NR2C2AP: variants seen among roughly 807,000 people sequenced by gnomAD.
The protein encoded by NR2C2AP is nuclear receptor 2C2-associated protein.
NR2C2AP carries 13 observed loss-of-function variants against 19.1 expected under a neutral mutation model. The ratio of observed to expected loss-of-function variants is 0.68; its 90% confidence interval spans 0.44 to 1.08. NR2C2AP has a LOEUF of 1.08. Ranked by LOEUF, NR2C2AP falls within the 50% of genes least tolerant of loss-of-function variation. The pLI, the probability that NR2C2AP is intolerant of heterozygous loss-of-function variation, is 0.00. For missense variants in NR2C2AP, 181 were observed against 172.7 expected (o/e 1.05, Z -0.27); for synonymous variants, 81 against 64.4 (o/e 1.26, Z -1.23).
At position 19,201,562 on chromosome 19, in the gene NR2C2AP, C is replaced by T. The variant is rs1052166811; in HGVS notation, c.*363G>A. On this transcript the variant is annotated 3_prime_UTR_variant, in exon 5 of 5. Transcript: ENST00000331552. The stretch of plus-strand genomic sequence containing the variant: ...GTCTCTGCAAGGGTCCCTGTTTGTC[C>T]CCTAAGGGGAGAGCGCAGGTTGGCC... 6.2e-7 allele frequency: 1 copy of T among 1,608,820 alleles called. No homozygotes were observed. Among genetic ancestry groups the T allele is most frequent in the Non-Finnish European group, 8.5e-7 (1 of 1,179,870 alleles).
Position 19,201,508 on chromosome 19 carries a change from G to A in NR2C2AP, c.*417C>T, listed in dbSNP as rs1462229632. 8.8e-6 allele frequency: 14 copies of A among 1,599,168 alleles called. No homozygotes were observed. The highest frequency in any genetic ancestry group is 4.5e-5 in the East Asian group (2 of 44,778). On this transcript the variant is annotated 3_prime_UTR_variant, in exon 5 of 5. Transcript: ENST00000331552. ...GTTGAGGTTCCTGGGGTGAGTCCTC[G>A]GTTCTCCCAGCTTTGCTCTGTAATG...
rs753300925 is a variant in NR2C2AP at position 19,202,354 on chromosome 19, G to T, written c.280C>A (p.Pro94Thr). ...QALHKIVDFY[P>T]EDNNSLQTFP... is the part of the protein sequence containing the mutation. ...ATCTGAAGCGAGTTGTTGTCCTCAG[G>T]GTAGAAATCTACAATCTTGTGGAGA... is the stretch of plus-strand genomic sequence containing the variant. The change falls in exon 4 of 5, where the codon CCT (proline) becomes ACT (threonine). Residue 94 changes from proline (P) to threonine (T), a missense_variant. Pro to Thr is a conservative substitution (Grantham distance 38, BLOSUM62 -1). Coordinates refer to ENST00000331552, the MANE Select transcript of NR2C2AP (RefSeq NM_176880.6). 5 of 1,614,184 alleles carry T rather than the reference G, an allele frequency of 3.1e-6. No homozygotes were observed. The highest frequency in any genetic ancestry group is 4.2e-6 in the Non-Finnish European group (5 of 1,180,024).
chr19:19,203,338 C>T lies in NR2C2AP; in HGVS notation c.-278G>A, dbSNP rs2060744865. 1 of 546,896 alleles carries T rather than the reference C, an allele frequency of 1.8e-6. No individual in the cohort carries two copies. Among genetic ancestry groups the T allele is most frequent in the South Asian group, 2.1e-5 (1 of 47,254 alleles). The allele number at this position is 546,896 out of a possible 1,614,324, so 33.9% of individuals were successfully genotyped here. On this transcript the variant is annotated 5_prime_UTR_variant, in exon 1 of 5. Coordinates refer to ENST00000331552, the MANE Select transcript of NR2C2AP (RefSeq NM_176880.6). ...CAGGAAACAGATTTCCCGCGGGTTT[C>T]GGGGGCGGTGGCTTTTTGTGCGAGG...
rs1283024592 is a variant in NR2C2AP at position 19,202,023 on chromosome 19, C to T, written c.322G>A (p.Ala108Thr). The part of the protein sequence containing the change: ...NSLQTFPIPA[A>T]EVDRLKVTFE... ...GTCACCTTCAGCCGGTCCACTTCAG[C>T]AGCTGGTATGGGGAAAGTGTGAGCG... The change falls in exon 5 of 5, where the codon GCT (alanine) becomes ACT (threonine). Residue 108 changes from alanine (A) to threonine (T), a missense_variant. Physicochemically the swap from Ala to Thr is moderately conservative, Grantham distance 58 (BLOSUM62 0). Coordinates refer to ENST00000331552, the MANE Select transcript of NR2C2AP (RefSeq NM_176880.6). 1 of 1,614,178 alleles carries T rather than the reference C, an allele frequency of 6.2e-7. No individual in the cohort carries two copies. Among genetic ancestry groups the T allele is most frequent in the Admixed American group, 1.7e-5 (1 of 60,022 alleles).
chr19:19,202,216 G>T, intron 4 of NR2C2AP, 115 bp downstream of exon 4: 1 of 1,207,110 alleles, frequency 8.3e-7, no homozygotes. Context: ...CAGAAAAAGT[G>T]GAGTCCTAGA....
intron 4 of NR2C2AP, 79 bp downstream of exon 4, chr19:19,202,252 A>G (rs773385947): frequency 7.1e-7 from 1 of 1,399,814 alleles, no homozygotes; most frequent in Non-Finnish European, 1.0e-6. Flanking sequence ...ATCACACATC[A>G]GGGTTCCCAT....
In NR2C2AP at chr19:19,201,484, T is replaced by G; in HGVS notation, c.*441A>C. Reference sequence around the variant, plus strand: ...TGCATTTTTACAAACTTAGGGGAAGTTGAGGTTCCTGGGGTGAGTCCTCGG... The same window carrying G: ...TGCATTTTTACAAACTTAGGGGAAGGTGAGGTTCCTGGGGTGAGTCCTCGG... On this transcript the variant is annotated 3_prime_UTR_variant, in exon 5 of 5. Coordinates refer to ENST00000331552, the MANE Select transcript of NR2C2AP (RefSeq NM_176880.6). 1 of 1,587,560 alleles carries G rather than the reference T, an allele frequency of 6.3e-7. No individual in the cohort carries two copies. Among genetic ancestry groups the G allele is most frequent in the Non-Finnish European group, 8.5e-7 (1 of 1,174,404 alleles).
Position 19,203,149 on chromosome 19 carries a change from T to G in NR2C2AP, c.-89A>C. The G allele has an allele frequency of 7.2e-7, 1 of 1,388,482 alleles. No individual in the cohort carries two copies. Among genetic ancestry groups the G allele is most frequent in the South Asian group, 1.2e-5 (1 of 83,510 alleles). 86.0% of individuals were successfully genotyped at this position (1,388,482 alleles called of 1,614,324 possible). A position where few individuals can be genotyped will look rare whatever the true frequency, so the allele number is the denominator to read the frequency against. ...CTCCTCAAGCTACAGGGCGGCGCGA[T>G]CTTGGCTACGCCTTGGCCTGAACGT... On this transcript the variant is annotated 5_prime_UTR_variant, in exon 1 of 5. Transcript: ENST00000331552.
Position 19,202,797 on chromosome 19 carries a change from T to G in NR2C2AP, c.123A>C (p.Ser41=). 1 of 1,613,764 alleles carries G rather than the reference T, an allele frequency of 6.2e-7. No homozygotes were observed. Among genetic ancestry groups the G allele is most frequent in the Non-Finnish European group, 8.5e-7 (1 of 1,179,880 alleles). ...FDQDEETCWN[S]DQGPSQWVTL... Reference sequence around the variant, plus strand: ...GTCGAGGGAGGCGCCTCACCTGGTCTGAGTTCCAACATGTCTCCTCATCCT... The same window carrying G: ...GTCGAGGGAGGCGCCTCACCTGGTCGGAGTTCCAACATGTCTCCTCATCCT... Residue 41 remains serine, a synonymous_variant, in exon 2 of 5, where the codon TCA becomes TCC. Transcript: ENST00000331552.
Position 19,201,819 on chromosome 19 carries a change from TG to T in NR2C2AP, c.*105del. 6.2e-7 allele frequency: 1 copy of T among 1,612,202 alleles called. No homozygotes were observed. The highest frequency in any genetic ancestry group is 8.5e-7 in the Non-Finnish European group (1 of 1,179,118). On this transcript the variant is annotated 3_prime_UTR_variant, in exon 5 of 5. Coordinates refer to ENST00000331552, the MANE Select transcript of NR2C2AP (RefSeq NM_176880.6). ...TCAAAGGCAGCTTCTGGACAGGTGG[TG>T]GGAGGGGACCCTTCCCAAGAGGAAC...
In NR2C2AP at chr19:19,202,387, T is replaced by C. The variant is rs781280246; in HGVS notation, c.247A>G (p.Thr83Ala). The change falls in exon 4 of 5, where the codon ACT (threonine) becomes GCT (alanine). Residue 83 changes from threonine to alanine, a missense_variant. Thr to Ala is a moderately conservative substitution (Grantham distance 58, BLOSUM62 0). Transcript: ENST00000331552. The part of the protein sequence containing the change: ...RRGCLEGSQG[T>A]QALHKIVDFY... ...TCTACAATCTTGTGGAGAGCCTGAG[T>C]GCCCTGTGAACCTTCAGCAGAGAAA... The C allele has an allele frequency of 3.7e-6, 6 of 1,614,086 alleles. No individual in the cohort carries two copies. The South Asian group carries it at 6.6e-5, about 18-fold the overall frequency.
chr19:19,201,973 A>C lies in NR2C2AP; in HGVS notation c.372T>G (p.Phe124Leu). 1 of 1,614,162 alleles carries C rather than the reference A, an allele frequency of 6.2e-7. No individual in the cohort carries two copies. The highest frequency in any genetic ancestry group is 2.2e-5 in the East Asian group (1 of 44,884). Residue 124 changes from phenylalanine (F) to leucine (L), a missense_variant, in exon 5 of 5, where the codon TTT becomes TTG. Physicochemically the swap from Phe to Leu is conservative, Grantham distance 22. Transcript: ENST00000331552. ...KVTFEDATDF[F>L]GRVVIYHLRV... is the part of the protein sequence containing the mutation. The stretch of plus-strand genomic sequence containing the variant: ...GCAGGTGGTAGATGACCACACGGCC[A>C]AAAAAGTCAGTGGCATCCTCAAACG...
chr19:19,202,815 C>T lies in NR2C2AP; in HGVS notation c.105G>A (p.Glu35=), dbSNP rs775104636. 11 of 1,613,802 alleles carry T rather than the reference C, an allele frequency of 6.8e-6. No homozygotes were observed. The Admixed American group carries it at 1.0e-4, about 15-fold the overall frequency. The part of the protein sequence containing the change: ...FGKKHLFDQD[E]ETCWNSDQGP... Reference sequence around the variant, plus strand: ...CCTGGTCTGAGTTCCAACATGTCTCCTCATCCTGGTCGAAAAGATGTTTTT... The same window carrying T: ...CCTGGTCTGAGTTCCAACATGTCTCTTCATCCTGGTCGAAAAGATGTTTTT... Residue 35 remains glutamate (E), a synonymous_variant, in exon 2 of 5, where the codon GAG becomes GAA. Coordinates refer to ENST00000331552, the MANE Select transcript of NR2C2AP (RefSeq NM_176880.6).
In NR2C2AP at chr19:19,202,774, C is replaced by T. The variant is rs1238781534; in HGVS notation, c.129+17G>A. ...CTGAATCACCCTAGAGATGGAGGGT[C>T]GAGGGAGGCGCCTCACCTGGTCTGA... On this transcript the variant is annotated intron_variant, in intron 2 of 4. Transcript: ENST00000331552. 1.9e-6 allele frequency: 3 copies of T among 1,608,830 alleles called. No individual in the cohort carries two copies. Among genetic ancestry groups the T allele is most frequent in the Non-Finnish European group, 2.6e-6 (3 of 1,175,504 alleles).
rs757099119 is a variant in NR2C2AP at position 19,203,008 on chromosome 19, C to G, written c.38+15G>C. The G allele has an allele frequency of 6.2e-7, 1 of 1,614,032 alleles. No homozygotes were observed. Among genetic ancestry groups the G allele is most frequent in the Non-Finnish European group, 8.5e-7 (1 of 1,180,000 alleles). ...GCTTAGGGCCTCGCCACTGCCTGTCCCCACAGACTCTTACCTGCTCACTGT... is the reference window on the plus strand; with the variant it reads ...GCTTAGGGCCTCGCCACTGCCTGTCGCCACAGACTCTTACCTGCTCACTGT... On this transcript the variant is annotated intron_variant, in intron 1 of 4. Coordinates refer to ENST00000331552, the MANE Select transcript of NR2C2AP (RefSeq NM_176880.6).
At position 19,202,492 on chromosome 19, in the gene NR2C2AP, G is replaced by C; in HGVS notation, c.213C>G (p.Ser71=). The stretch of plus-strand genomic sequence containing the variant: ...TACCTTCCAGGCAGCCCCGGCGACT[G>C]GAGAAGCCACCCTGAAACTGGATCT... The part of the protein sequence containing the change: ...QLQIQFQGGF[S]SRRGCLEGSQ... Residue 71 remains serine (S), a synonymous_variant, in exon 3 of 5, where the codon TCC becomes TCG. Coordinates refer to ENST00000331552, the MANE Select transcript of NR2C2AP (RefSeq NM_176880.6). The C allele has an allele frequency of 6.2e-7, 1 of 1,614,080 alleles. No individual in the cohort carries two copies.
Position 19,203,026 on chromosome 19 carries a change from C to T in NR2C2AP, c.35G>A (p.Ser12Asn), listed in dbSNP as rs756034831. Reference sequence around the variant, plus strand: ...GCCTGTCCCCACAGACTCTTACCTGCTCACTGTCTCTGGACAAACCAAAGA... The same window carrying T: ...GCCTGTCCCCACAGACTCTTACCTGTTCACTGTCTCTGGACAAACCAAAGA... ...THSLVCPETV[S>N]RVSSVLNRNT... Residue 12 changes from serine to asparagine, a missense_variant, in exon 1 of 5, where the codon AGC becomes AAC. Physicochemically the swap from Ser to Asn is conservative, Grantham distance 46. Transcript: ENST00000331552. 36 of 1,614,014 alleles carry T rather than the reference C, an allele frequency of 2.2e-5. No individual in the cohort carries two copies. Among genetic ancestry groups the T allele is most frequent in the Non-Finnish European group, 2.7e-5 (32 of 1,180,002 alleles).
intron 1 of NR2C2AP, 66 bp downstream of exon 1, chr19:19,202,957 T>G: frequency 6.2e-7 from 1 of 1,606,968 alleles, no homozygotes; most frequent in Non-Finnish European, 8.5e-7. Flanking sequence ...GACCCCCAGA[T>G]CTGTCCACTG....
At chr19:19,202,698 C>G in intron 2 of NR2C2AP, 93 bp downstream of exon 2, 1 of 1,425,278 alleles carries the variant, frequency 7.0e-7, no homozygotes, top group South Asian at 1.2e-5. Context: ...ATGTTCCTTT[C>G]CTGGCCACCC....
Sources: allele counts gnomAD v4.1 joint callset, GRCh38; gene constraint gnomAD v4.1.1; transcripts MANE v1.5; gene names NCBI Gene and HGNC (gene_info 2026-07-23, HGNC 2026-07-21).